Variants in ECT2L observed in about 807,000 individuals in gnomAD.
ECT2L encodes the protein epithelial cell-transforming sequence 2 oncogene-like.
Under a neutral mutation model 122.8 loss-of-function variants are expected in ECT2L, and 126 were observed. The ratio of observed to expected loss-of-function variants is 1.03; its 90% CI spans 0.89 to 1.19. The LOEUF (loss-of-function observed/expected upper bound fraction) is 1.19, where lower values mean the gene tolerates loss of function less well. ECT2L is among the 50% of genes most tolerant of loss of function. The pLI, the probability that ECT2L is intolerant of heterozygous loss-of-function variation, is 0.00. For missense variants in ECT2L, 1,012 were observed against 1,064.1 expected, an observed-to-expected ratio of 0.95 and a Z score of 0.68; for synonymous variants, 385 against 381.8, an observed-to-expected ratio of 1.01 and a Z score of -0.10.
chr6:138,860,288 C>A (rs1208754983), intron 10 of ECT2L, among the ~76,000 whole-genome samples: 1 of 151,888 alleles, frequency 6.6e-6, no homozygotes, highest in South Asian at 2.1e-4. Flanking sequence ...ACTTTTAGGT[C>A]TGTGATCCAC....
At position 138,895,148 on chromosome 6, in the gene ECT2L, A is replaced by G. The variant is rs540216385; in HGVS notation, c.2415-5800A>G. On this transcript the variant is annotated intron_variant, in intron 20 of 21. Coordinates refer to ENST00000541398, the MANE Select transcript of ECT2L (RefSeq NM_001077706.3). ...GGTAAATGCAAAAAGATATCACACA[A>G]TACTTAGCCTGCAACCTTGTTTTCT... 3.3e-5 allele frequency among the ~76,000 whole-genome samples: 5 copies of G among 152,264 alleles called. No homozygotes were observed. The East Asian group carries it at 9.6e-4, about 29-fold the overall frequency.
intron 12 of ECT2L, among the ~76,000 whole-genome samples, chr6:138,866,451 A>G (rs893977167): frequency 2.6e-5 from 4 of 152,076 alleles, no homozygotes; most frequent in Non-Finnish European, 5.9e-5. Flanking sequence ...GGATTTCACC[A>G]TGTTGGCCAG....
rs747064448 is a variant in ECT2L at position 138,882,872 on chromosome 6, G to T, written c.2028+1G>T. ...TGTCATTCTGAAAACTATTGAGAAG[G>T]TAAATGAGTTTCAATTCCATCATTC... On this transcript the variant is annotated splice_donor_variant, in intron 16 of 21. Coordinates refer to ENST00000541398, the MANE Select transcript of ECT2L (RefSeq NM_001077706.3). LOFTEE classifies it high-confidence loss of function. The T allele has an allele frequency of 6.3e-7, 1 of 1,595,112 alleles. No homozygotes were observed. The highest frequency in any genetic ancestry group is 8.5e-7 in the Non-Finnish European group (1 of 1,173,146).
Position 138,862,681 on chromosome 6 carries a change from C to A in ECT2L, c.1253C>A (p.Thr418Lys), listed in dbSNP as rs181427570. 6 of 1,614,104 alleles carry A rather than the reference C, an allele frequency of 3.7e-6. No homozygotes were observed. Among genetic ancestry groups the A allele is most frequent in the Non-Finnish European group, 5.1e-6 (6 of 1,179,948 alleles). ...TCTCAACTAACTGGCACGTTCTTTA[C>A]GGCCCCCACTGGGATTGCAACTGGC... ...QLSQLTGTFF[T>K]APTGIATGSY... The change falls in exon 11 of 22, where the codon ACG (threonine) becomes AAG (lysine). Residue 418 changes from threonine (T) to lysine (K), a missense_variant. Physicochemically the swap from Thr to Lys is moderately conservative, Grantham distance 78 (BLOSUM62 -1). Transcript: ENST00000541398.
rs139742492 is a variant in ECT2L, at chr6:138,895,562, C to CAT, written c.2415-5373_2415-5372dup. Among the ~76,000 whole-genome samples, 20 of 151,516 alleles carry CAT rather than the reference C, an allele frequency of 1.3e-4. 1 individual carries two copies. Among genetic ancestry groups the CAT allele is most frequent in the Admixed American group, 4.6e-4 (7 of 15,180 alleles). On this transcript the variant is annotated intron_variant, in intron 20 of 21. Transcript: ENST00000541398. ...CACTAACATAGTAACAATTACTAAA[C>CAT]ATATATATATATATTTTTCTTTTTC...
At chr6:138,859,103 A>G (rs1186975041) in intron 10 of ECT2L, among the ~76,000 whole-genome samples, 9 of 152,066 alleles carry the variant, frequency 5.9e-5, no homozygotes, top group Admixed American at 2.6e-4. Flanking sequence ...TATTGTTCCA[A>G]TTTTAGTATA....
intron 5 of ECT2L, among the ~76,000 whole-genome samples, chr6:138,841,363 C>T (rs1005996148): frequency 2.0e-5 from 3 of 152,190 alleles, no homozygotes; most frequent in Non-Finnish European, 4.4e-5. Context: ...TTTCTTCCTC[C>T]AGAGAGAATT....
intron 11 of ECT2L, among the ~76,000 whole-genome samples, chr6:138,864,002 T>TTAAAA (rs1417290086): frequency 1.8e-5 from 1 of 55,872 alleles, no homozygotes; most frequent in Non-Finnish European, 2.9e-5. Flanking sequence ...TCTCCGTATT[T>TTAAAA]AAAAAAAAAA....
intron 4 of ECT2L, chr6:138,822,638 C>G: frequency 1.2e-6 from 1 of 865,950 alleles, no homozygotes; most frequent in East Asian, 2.7e-5. Flanking sequence ...AAACACAAAA[C>G]AGCTGGAGGA....
chr6:138,856,146 C>T (rs1332944838), intron 10 of ECT2L, among the ~76,000 whole-genome samples: 1 of 142,426 alleles, frequency 7.0e-6, no homozygotes, highest in South Asian at 2.3e-4. Flanking sequence ...CCTAAAATCT[C>T]GATTTCAAGT....
intron 7 of ECT2L, 44 bp from the exon 8 acceptor site, chr6:138,846,495 G>T: frequency 1.3e-6 from 2 of 1,536,704 alleles, no homozygotes; most frequent in Non-Finnish European, 1.7e-6. Flanking sequence ...AAAACTCAAG[G>T]TAAGAGAAAA....
intron 5 of ECT2L, 127 bp from the exon 6 acceptor site, chr6:138,842,852 C>T: frequency 1.2e-6 from 1 of 861,190 alleles, no homozygotes; most frequent in Non-Finnish European, 1.6e-6. Flanking sequence ...GATTTGCATA[C>T]AAATTCTCAG....
chr6:138,799,378 G>C (rs9495257), intron 1 of ECT2L, among the ~76,000 whole-genome samples: 13 of 151,086 alleles, frequency 8.6e-5, no homozygotes, highest in East Asian at 2.0e-4. Flanking sequence ...CTCAGCCTCC[G>C]GAGTAGCTGG....
chr6:138,869,509 G>A (rs1187485455), intron 13 of ECT2L, among the ~76,000 whole-genome samples: 5 of 152,182 alleles, frequency 3.3e-5, no homozygotes, highest in African/African-American at 9.7e-5. Flanking sequence ...TGTCTCCTGT[G>A]AAGTCTCAGC....
At chr6:138,891,715 A>G (rs1349422497) in intron 20 of ECT2L, among the ~76,000 whole-genome samples, 1 of 152,206 alleles carries the variant, frequency 6.6e-6, no homozygotes, top group Non-Finnish European at 1.5e-5. Context: ...TATAAAATCA[A>G]GCTGTAACCC....
At chr6:138,882,640 T>C in intron 15 of ECT2L, 84 bp from the exon 16 acceptor site, 1 of 1,519,802 alleles carries the variant, frequency 6.6e-7, no homozygotes. Context: ...AGGGTGAAAA[T>C]GCCCATGCTG....
chr6:138,818,320 TAAGA>T (rs140651252), intron 4 of ECT2L, among the ~76,000 whole-genome samples: 3,718 of 152,196 alleles, frequency 0.024, 134 homozygotes, highest in African/African-American at 0.084. Flanking sequence ...CAAGGTGTAT[TAAGA>T]GAGAACAGCC....
At chr6:138,825,127 G>A (rs1776400699) in intron 4 of ECT2L, among the ~76,000 whole-genome samples, 1 of 152,154 alleles carries the variant, frequency 6.6e-6, no homozygotes, top group Non-Finnish European at 1.5e-5. Context: ...GCTGCCCTCA[G>A]GATGGGATAT....
intron 4 of ECT2L, among the ~76,000 whole-genome samples, chr6:138,830,187 A>G (rs1007987449): frequency 6.6e-6 from 1 of 152,232 alleles, no homozygotes; most frequent in Non-Finnish European, 1.5e-5. Context: ...TACAGAAGTC[A>G]CATCTAGAAA....
Sources: allele counts gnomAD v4.1 joint callset (sites outside exome capture counted in the v4.1 genomes callset), GRCh38; gene constraint gnomAD v4.1.1; transcripts MANE v1.5; gene names NCBI Gene and HGNC (gene_info 2026-07-23, HGNC 2026-07-21).